NKAIN3: variants seen among roughly 807,000 people sequenced by gnomAD.
The protein encoded by NKAIN3 is sodium/potassium-transporting ATPase subunit beta-1-interacting protein 3.
In NKAIN3, 25 loss-of-function variants were observed where a neutral mutation model predicts 30.2. The ratio of observed to expected loss-of-function variants is 0.83; its 90% CI spans 0.60 to 1.16. NKAIN3 has a LOEUF of 1.16. Ranked by LOEUF, NKAIN3 falls within the 50% of genes most tolerant of loss-of-function variation. The pLI, the probability that NKAIN3 is intolerant of heterozygous loss-of-function variation, is 0.00. For missense variants in NKAIN3, 225 were observed against 254.1 expected (o/e 0.89, Z 0.78); for synonymous variants, 91 against 89.6 (o/e 1.02, Z -0.09).
chr8:62,354,444 C>T (rs914271795), intron 1 of NKAIN3, among the ~76,000 whole-genome samples: 1 of 152,014 alleles, frequency 6.6e-6, no homozygotes, highest in Non-Finnish European at 1.5e-5. Flanking sequence ...TTTCTTTTTT[C>T]TTTCTTTCTT....
At chr8:62,856,922 C>A (rs926802864) in intron 4 of NKAIN3, 2 of 576,434 alleles carry the variant, frequency 3.5e-6, no homozygotes, top group African/African-American at 1.9e-5. Flanking sequence ...GTCAACTCAT[C>A]TTTACTCTGA....
At chr8:62,639,809 A>G (rs1586038390) in intron 3 of NKAIN3, among the ~76,000 whole-genome samples, 2 of 152,026 alleles carry the variant, frequency 1.3e-5, no homozygotes, top group East Asian at 3.9e-4. Context: ...TTTTTTTCTG[A>G]TTACTTCCCT....
At chr8:62,864,764 C>A (rs1386061695) in intron 4 of NKAIN3, among the ~76,000 whole-genome samples, 1 of 152,028 alleles carries the variant, frequency 6.6e-6, no homozygotes, top group African/African-American at 2.4e-5. Flanking sequence ...TTGATGAATC[C>A]CCTGGATACA....
chr8:62,668,428 T>G (rs574016330), intron 3 of NKAIN3, among the ~76,000 whole-genome samples: 3 of 152,194 alleles, frequency 2.0e-5, no homozygotes, highest in Non-Finnish European at 4.4e-5. Context: ...GAGTAAATTA[T>G]TTTTTTGAAT....
At chr8:62,803,863 C>T (rs1207685210) in intron 4 of NKAIN3, among the ~76,000 whole-genome samples, 1 of 151,984 alleles carries the variant, frequency 6.6e-6, no homozygotes, top group African/African-American at 2.4e-5. Flanking sequence ...TGATAGACTG[C>T]TAGCAAGACT....
At chr8:62,291,517 G>C (rs147881420) in intron 1 of NKAIN3, among the ~76,000 whole-genome samples, 5,039 of 152,288 alleles carry the variant, frequency 0.033, 309 homozygotes, top group African/African-American at 0.11. Flanking sequence ...TGCAGGAGCA[G>C]GTTGTTCAGT....
intron 4 of NKAIN3, among the ~76,000 whole-genome samples, chr8:62,858,139 C>G (rs1314369583): frequency 6.6e-6 from 1 of 152,106 alleles, no homozygotes; most frequent in Non-Finnish European, 1.5e-5. Flanking sequence ...GAGTCTGCTC[C>G]AGACCCTAGT....
At chr8:62,985,353 C>T (rs145408667), downstream of NKAIN3, among the ~76,000 whole-genome samples, 17 of 152,272 alleles carry the variant, frequency 1.1e-4, no homozygotes, top group East Asian at 3.1e-3. Flanking sequence ...GAAAAGAAAA[C>T]CTTAAAGTAG....
intron 3 of NKAIN3, among the ~76,000 whole-genome samples, chr8:62,701,816 T>C (rs1341221860): frequency 1.3e-5 from 2 of 152,188 alleles, no homozygotes; most frequent in African/African-American, 4.8e-5. Context: ...CACCTCTTAT[T>C]TGAAGCCTGT....
intron 1 of NKAIN3, among the ~76,000 whole-genome samples, chr8:62,445,574 T>G (rs777855542): frequency 2.0e-5 from 3 of 152,074 alleles, no homozygotes; most frequent in Non-Finnish European, 4.4e-5. Context: ...TATACAGAAG[T>G]GAGAAGGTGA....
chr8:62,309,752 A>G lies in NKAIN3; in HGVS notation c.54+60625A>G, dbSNP rs1370399570. 4.0e-5 allele frequency among the ~76,000 whole-genome samples: 6 copies of G among 150,558 alleles called. No individual in the cohort carries two copies. In the East Asian group the frequency reaches 1.2e-3, roughly 29 times the overall value. On this transcript the variant is annotated intron_variant, in intron 1 of 6. Transcript: ENST00000623646. ...AAATAGAAATATGTTCTGCATCATA[A>G]CTTAGCAGGAAAGTAGGAAGGACTC... is the stretch of plus-strand genomic sequence containing the variant.
chr8:62,876,400 T>C (rs1005363523), intron 4 of NKAIN3, among the ~76,000 whole-genome samples: 2 of 152,186 alleles, frequency 1.3e-5, no homozygotes, highest in Admixed American at 1.3e-4. Context: ...TAGAAGACAG[T>C]GTGGTGATTC....
At chr8:62,818,063 G>A (rs4256588) in intron 4 of NKAIN3, among the ~76,000 whole-genome samples, 12,437 of 152,156 alleles carry the variant, frequency 0.082, 525 homozygotes, top group Middle Eastern at 0.099. Flanking sequence ...CATTTTATCT[G>A]TGTGACTTTA....
chr8:62,998,464 G>A (rs1048957455), intron 5 of NKAIN3, among the ~76,000 whole-genome samples: 31 of 151,984 alleles, frequency 2.0e-4, no homozygotes, highest in Admixed American at 1.8e-3. Context: ...TAGTAGAGAC[G>A]GGGTTTCACC....
chr8:62,567,118 A>G (rs16929177), intron 1 of NKAIN3, among the ~76,000 whole-genome samples: 1,590 of 152,228 alleles, frequency 0.01, 26 homozygotes, highest in African/African-American at 0.033. Flanking sequence ...TGCTACTTCA[A>G]TGAATTTTTC....
At chr8:62,441,110 T>G (rs900895154) in intron 1 of NKAIN3, among the ~76,000 whole-genome samples, 2 of 152,170 alleles carry the variant, frequency 1.3e-5, no homozygotes, top group Non-Finnish European at 2.9e-5. Flanking sequence ...CATCTATAGT[T>G]TTGAATATAA....
intron 1 of NKAIN3, among the ~76,000 whole-genome samples, chr8:62,529,748 G>A (rs1239060824): frequency 6.6e-6 from 1 of 152,108 alleles, no homozygotes; most frequent in African/African-American, 2.4e-5. Flanking sequence ...AAGCCAAACA[G>A]ACTAAGGCAA....
intron 1 of NKAIN3, among the ~76,000 whole-genome samples, chr8:62,530,661 G>A (rs944951576): frequency 6.6e-5 from 10 of 151,600 alleles, no homozygotes; most frequent in Admixed American, 2.0e-4. Context: ...ATTTTGAGAC[G>A]GAGTTTTGAT....
chr8:62,680,861 C>T (rs1467874456), intron 3 of NKAIN3, among the ~76,000 whole-genome samples: 1 of 152,062 alleles, frequency 6.6e-6, no homozygotes, highest in Non-Finnish European at 1.5e-5. Flanking sequence ...AATTTTGCTT[C>T]CAATTATAGC....
Sources: gnomAD v4.1 joint callset for allele counts (sites outside exome capture counted in the v4.1 genomes callset) on GRCh38, gnomAD v4.1.1 for gene constraint, MANE v1.5 for transcripts, NCBI Gene and HGNC (gene_info 2026-07-23, HGNC 2026-07-21) for gene names.